The following SMARCC1 variants were observed in gnomAD, a reference collection of about 807,000 sequenced individuals.
The protein encoded by SMARCC1 is SWI/SNF related BAF chromatin remodeling complex subunit C1, also known as SWI/SNF complex subunit SMARCC1.
A neutral mutation model predicts 147.4 loss-of-function variants in SMARCC1; 43 were observed. The observed-to-expected ratio is 0.29, with a 90% CI of 0.23 to 0.38. The LOEUF (loss-of-function observed/expected upper bound fraction) is 0.38. Ranked by LOEUF, SMARCC1 falls within the 10% of genes least tolerant of loss-of-function variation. The pLI, the probability that SMARCC1 is intolerant of heterozygous loss-of-function variation, is 1.00. For missense variants in SMARCC1, 1,119 were observed against 1,381.1 expected (o/e 0.81, Z 3.01); for synonymous variants, 495 against 484.4 (o/e 1.02, Z -0.29).
At chr3:47,704,187 A>AT (rs561964494) in intron 10 of SMARCC1, among the ~76,000 whole-genome samples, 21 of 152,152 alleles carry the variant, frequency 1.4e-4, no homozygotes, top group Admixed American at 1.3e-3. Context: ...CTGCATGATG[A>AT]TTTTTTTAAA....
chr3:47,781,008 G>C (rs1446770117), intron 1 of SMARCC1, among the ~76,000 whole-genome samples: 1 of 152,116 alleles, frequency 6.6e-6, no homozygotes, highest in East Asian at 1.9e-4. Flanking sequence ...TAAAAACTGG[G>C]TTCTTGGGGA....
chr3:47,712,371 T>C (rs1435710996), intron 8 of SMARCC1, among the ~76,000 whole-genome samples: 2 of 152,032 alleles, frequency 1.3e-5, no homozygotes, highest in Non-Finnish European at 2.9e-5. Flanking sequence ...AATGTCAAAA[T>C]AGTGTTTTCC....
intron 26 of SMARCC1, among the ~76,000 whole-genome samples, chr3:47,606,637 A>C (rs748004548): frequency 4.6e-5 from 7 of 152,166 alleles, no homozygotes; most frequent in Admixed American, 4.6e-4. Flanking sequence ...CCAAATACCA[A>C]GTAGCTACAG....
At chr3:47,599,670 G>C (rs1408685538) in intron 26 of SMARCC1, among the ~76,000 whole-genome samples, 2 of 152,214 alleles carry the variant, frequency 1.3e-5, no homozygotes, top group Admixed American at 1.3e-4. Context: ...GTCTGGGGGA[G>C]AGGGGTCCAA....
intron 1 of SMARCC1, among the ~76,000 whole-genome samples, chr3:47,775,145 C>T (rs2034959094): frequency 6.6e-6 from 1 of 151,238 alleles, no homozygotes; most frequent in Non-Finnish European, 1.5e-5. Context: ...AGTTTTTCTC[C>T]AATATACTCA....
At chr3:47,655,074 T>C (rs543094145) in intron 21 of SMARCC1, among the ~76,000 whole-genome samples, 2 of 152,318 alleles carry the variant, frequency 1.3e-5, no homozygotes, top group Admixed American at 1.3e-4. Context: ...GTAGGCCCTA[T>C]GCAAACTCAT....
At chr3:47,692,383 A>G (rs2033800956) in intron 12 of SMARCC1, among the ~76,000 whole-genome samples, 1 of 152,236 alleles carries the variant, frequency 6.6e-6, no homozygotes, top group Admixed American at 6.5e-5. Context: ...TACTGCTTAG[A>G]AACTTTAATT....
At chr3:47,607,336 G>C (rs556038764) in intron 26 of SMARCC1, among the ~76,000 whole-genome samples, 21 of 152,212 alleles carry the variant, frequency 1.4e-4, no homozygotes, top group Admixed American at 1.0e-3. Context: ...CTGTTTTTCG[G>C]TAAAGTCAAT....
At chr3:47,670,066 A>G (rs1385101492) in intron 19 of SMARCC1, among the ~76,000 whole-genome samples, 1 of 152,234 alleles carries the variant, frequency 6.6e-6, no homozygotes, top group Admixed American at 6.5e-5. Context: ...TCTAATTGTC[A>G]CACATTCACA....
At chr3:47,612,647 T>A (rs1346709308) in intron 25 of SMARCC1, among the ~76,000 whole-genome samples, 1 of 152,194 alleles carries the variant, frequency 6.6e-6, no homozygotes, top group Non-Finnish European at 1.5e-5. Flanking sequence ...ATTTGCCCAA[T>A]TTTCCTTGCC....
intron 1 of SMARCC1, among the ~76,000 whole-genome samples, chr3:47,778,917 G>A (rs1247187055): frequency 6.6e-6 from 1 of 152,036 alleles, no homozygotes; most frequent in Non-Finnish European, 1.5e-5. Flanking sequence ...GAGCCCAGGA[G>A]GTTGAGGCTG....
chr3:47,633,097 G>A (rs2032914493), intron 24 of SMARCC1, among the ~76,000 whole-genome samples: 2 of 152,158 alleles, frequency 1.3e-5, no homozygotes, highest in Admixed American at 1.3e-4. Flanking sequence ...TTATTGAAAC[G>A]GATGCTTGTG....
chr3:47,708,090 T>TCTTTTTC (rs1559650569), intron 9 of SMARCC1, among the ~76,000 whole-genome samples: 2 of 57,786 alleles, frequency 3.5e-5, no homozygotes, highest in Non-Finnish European at 6.8e-5. Context: ...TTTCTTTTTT[T>TCTTTTTC]TTTTTTTTTT....
intron 24 of SMARCC1, among the ~76,000 whole-genome samples, chr3:47,630,811 C>G (rs541262987): frequency 6.6e-6 from 1 of 152,228 alleles, no homozygotes; most frequent in South Asian, 2.1e-4. Context: ...ACCGGTAATC[C>G]CAGGACATTG....
At chr3:47,720,219 G>A (rs953525699) in intron 7 of SMARCC1, among the ~76,000 whole-genome samples, 67 of 152,024 alleles carry the variant, frequency 4.4e-4, no homozygotes, top group Admixed American at 6.6e-4. Flanking sequence ...CACCTCCCGG[G>A]TTCAAGGGAT....
intron 21 of SMARCC1, among the ~76,000 whole-genome samples, chr3:47,652,420 G>A (rs1033623783): frequency 4.6e-5 from 7 of 152,040 alleles, no homozygotes; most frequent in Non-Finnish European, 7.4e-5. Flanking sequence ...TATCTAAGAC[G>A]GAATAGTATT....
intron 13 of SMARCC1, among the ~76,000 whole-genome samples, chr3:47,688,775 C>T (rs1237322027): frequency 2.0e-5 from 3 of 152,144 alleles, no homozygotes; most frequent in African/African-American, 4.8e-5. Context: ...TCTGCACTGT[C>T]GGATAACATC....
At chr3:47,774,857 A>G (rs1164223395) in intron 1 of SMARCC1, among the ~76,000 whole-genome samples, 4 of 151,860 alleles carry the variant, frequency 2.6e-5, no homozygotes, top group Non-Finnish European at 5.9e-5. Flanking sequence ...CCCAGGATGG[A>G]ATACAGTGGT....
At chr3:47,666,733 A>AT (rs924772960) in intron 19 of SMARCC1, among the ~76,000 whole-genome samples, 24 of 150,898 alleles carry the variant, frequency 1.6e-4, no homozygotes, top group East Asian at 5.9e-4. Context: ...TTTTGGGGGG[A>AT]TTTTTTTTTA....
Sources: gnomAD v4.1 joint callset for allele counts (sites outside exome capture counted in the v4.1 genomes callset) on GRCh38, gnomAD v4.1.1 for gene constraint, MANE v1.5 for transcripts, NCBI Gene and HGNC (gene_info 2026-07-23, HGNC 2026-07-21) for gene names.